RAPGEF5: variants seen among roughly 807,000 people sequenced by gnomAD.
The protein encoded by RAPGEF5 is Rap guanine nucleotide exchange factor 5, also known as M-Ras-regulated GEF.
RAPGEF5 carries 65 observed loss-of-function variants against 125.2 expected under a neutral mutation model. That is an observed-to-expected ratio of 0.52 (90% CI 0.43 to 0.64). The LOEUF is 0.64. RAPGEF5 is among the 30% of genes least tolerant of loss of function. The pLI is 0.00. For missense variants in RAPGEF5, 958 were observed against 1,048.1 expected, an observed-to-expected ratio of 0.91 and a Z score of 1.19; for synonymous variants, 391 against 385.9, an observed-to-expected ratio of 1.01 and a Z score of -0.16.
At chr7:22,304,149 TAA>T (rs1336911867) in intron 5 of RAPGEF5, among the ~76,000 whole-genome samples, 1 of 151,730 alleles carries the variant, frequency 6.6e-6, no homozygotes, top group Non-Finnish European at 1.5e-5. Flanking sequence ...TACCATAACA[TAA>T]AAGTTGGCTT....
chr7:22,332,434 A>G (rs1783940825), intron 1 of RAPGEF5, among the ~76,000 whole-genome samples: 1 of 152,218 alleles, frequency 6.6e-6, no homozygotes, highest in Non-Finnish European at 1.5e-5. Context: ...AAATGCAGTA[A>G]AAAAGTCATC....
In RAPGEF5 at chr7:22,261,689, T is replaced by C. The variant is rs1782159570; in HGVS notation, c.796+5275A>G. On this transcript the variant is annotated intron_variant, in intron 7 of 25. Transcript: ENST00000665637. ...TTTTACATATAGCTACAGTAATCAATATTGTAGTATTGATGGATACCAATG... is the reference window on the plus strand; with the variant it reads ...TTTTACATATAGCTACAGTAATCAACATTGTAGTATTGATGGATACCAATG... Among the ~76,000 whole-genome samples, 3 of 152,288 alleles carry C rather than the reference T, an allele frequency of 2.0e-5. No homozygotes were observed. The East Asian group carries it at 5.8e-4, about 29-fold the overall frequency.
chr7:22,274,882 A>C (rs867032308), intron 6 of RAPGEF5, among the ~76,000 whole-genome samples: 33 of 152,314 alleles, frequency 2.2e-4, no homozygotes, highest in African/African-American at 7.2e-4. Flanking sequence ...AACTCTTCAA[A>C]GATTTCTCCA....
intron 25 of RAPGEF5, among the ~76,000 whole-genome samples, chr7:22,123,880 G>A (rs894939398): frequency 2.0e-5 from 3 of 152,216 alleles, no homozygotes; most frequent in African/African-American, 7.2e-5. Flanking sequence ...CATGGCAACT[G>A]ACATTTGCAT....
chr7:22,305,119 C>G (rs1393867820), intron 5 of RAPGEF5, among the ~76,000 whole-genome samples: 1 of 152,216 alleles, frequency 6.6e-6, no homozygotes, highest in Non-Finnish European at 1.5e-5. Flanking sequence ...GATTCAAACA[C>G]TAAAACTCCA....
At chr7:22,336,995 T>C (rs1043242184) in intron 1 of RAPGEF5, among the ~76,000 whole-genome samples, 2 of 151,996 alleles carry the variant, frequency 1.3e-5, no homozygotes, top group Non-Finnish European at 2.9e-5. Flanking sequence ...GGCCCTGAGG[T>C]GGTGTCACTG....
At chr7:22,293,084 A>C (rs1782970337) in intron 5 of RAPGEF5, among the ~76,000 whole-genome samples, 1 of 152,200 alleles carries the variant, frequency 6.6e-6, no homozygotes, top group South Asian at 2.1e-4. Context: ...TGTAAGAGGG[A>C]CAGAGTGATG....
At chr7:22,170,814 A>C (rs1242382443) in intron 11 of RAPGEF5, among the ~76,000 whole-genome samples, 1 of 152,212 alleles carries the variant, frequency 6.6e-6, no homozygotes, top group Non-Finnish European at 1.5e-5. Flanking sequence ...TTACCTAATT[A>C]TCTGTCATAG....
At chr7:22,331,455 C>T (rs1047157977) in intron 1 of RAPGEF5, among the ~76,000 whole-genome samples, 1 of 152,204 alleles carries the variant, frequency 6.6e-6, no homozygotes, top group African/African-American at 2.4e-5. Flanking sequence ...TAAAAAGTTA[C>T]AGGAGGTGGG....
intron 1 of RAPGEF5, among the ~76,000 whole-genome samples, chr7:22,344,805 G>C (rs1388879554): frequency 6.6e-6 from 1 of 152,182 alleles, no homozygotes; most frequent in African/African-American, 2.4e-5. Context: ...ACCACCAAGG[G>C]GGAGTTTCCA....
At chr7:22,181,311 G>C (rs962608181) in intron 11 of RAPGEF5, among the ~76,000 whole-genome samples, 2 of 152,104 alleles carry the variant, frequency 1.3e-5, no homozygotes, top group Non-Finnish European at 1.5e-5. Context: ...AATATTGAAA[G>C]GGATATAATA....
chr7:22,248,224 A>G (rs930756823), intron 7 of RAPGEF5, among the ~76,000 whole-genome samples: 11 of 152,212 alleles, frequency 7.2e-5, no homozygotes, highest in African/African-American at 2.4e-4. Context: ...AGGGGCCCGG[A>G]TCATTCCAAC....
At chr7:22,262,831 G>A (rs1375080930) in intron 7 of RAPGEF5, among the ~76,000 whole-genome samples, 2 of 152,196 alleles carry the variant, frequency 1.3e-5, no homozygotes, top group Non-Finnish European at 2.9e-5. Flanking sequence ...AGGTGTACTG[G>A]TGTGCATCTG....
chr7:22,156,881 G>A lies in RAPGEF5; in HGVS notation c.1565C>T (p.Ala522Val). 6.2e-7 allele frequency: 1 copy of A among 1,613,924 alleles called. No homozygotes were observed. The highest frequency in any genetic ancestry group is 1.3e-5 in the African/African-American group (1 of 75,052). Residue 522 changes from alanine to valine, a missense_variant, in exon 16 of 26, where the codon GCC becomes GTC. Transcript: ENST00000665637. ...CTTAAGACTGAATTGGTGGAAAAGG[G>A]CTTTATTCTGTGAGATGGGAGAAAG... is the stretch of plus-strand genomic sequence containing the variant. ...DEYSPQKKNK[A>V]LFHQFSLKEN...
At chr7:22,272,342 CAAAAAAAAAAAAAAAAAAAAAGAAGG>C (rs1297602051) in intron 6 of RAPGEF5, among the ~76,000 whole-genome samples, 21 of 35,984 alleles carry the variant, frequency 5.8e-4, no homozygotes, top group African/African-American at 1.7e-3. Context: ...GACTCCGTCT[CAAAAAAAAAAAAAAAAAAAAAGAAGG>C]AAAAAAAAGA....
At chr7:22,139,673 G>A (rs1783193759) in intron 21 of RAPGEF5, 1 of 177,156 alleles carries the variant, frequency 5.6e-6, no homozygotes, top group African/African-American at 2.4e-5. Flanking sequence ...ACATTGCCAG[G>A]GGCCCTGCAA....
chr7:22,216,307 G>T (rs1292082321), intron 9 of RAPGEF5, among the ~76,000 whole-genome samples: 2 of 152,148 alleles, frequency 1.3e-5, no homozygotes, highest in African/African-American at 4.8e-5. Flanking sequence ...TGACCAAAAG[G>T]CAAGTTTAAG....
At chr7:22,181,639 T>C (rs1239404767) in intron 11 of RAPGEF5, among the ~76,000 whole-genome samples, 2 of 152,174 alleles carry the variant, frequency 1.3e-5, no homozygotes, top group African/African-American at 4.8e-5. Flanking sequence ...GTTGTTGTTG[T>C]TTAGTTTCCC....
intron 11 of RAPGEF5, among the ~76,000 whole-genome samples, chr7:22,173,434 A>C (rs1047878174): frequency 1.3e-5 from 2 of 152,184 alleles, no homozygotes; most frequent in African/African-American, 4.8e-5. Flanking sequence ...ACATAACCAA[A>C]TCTTGAGATC....
Sources: allele counts gnomAD v4.1 joint callset (sites outside exome capture counted in the v4.1 genomes callset), GRCh38; gene constraint gnomAD v4.1.1; transcripts MANE v1.5; gene names NCBI Gene and HGNC (gene_info 2026-07-23, HGNC 2026-07-21).